Variants in ARFGEF1 observed in about 807,000 individuals in gnomAD.
ARFGEF1 encodes the protein ARF guanine nucleotide exchange factor 1, also known as brefeldin A-inhibited guanine nucleotide-exchange protein 1.
Under a neutral mutation model 231.0 loss-of-function variants are expected in ARFGEF1, and 42 were observed. That is an observed-to-expected ratio of 0.18 (90% CI 0.14 to 0.24). The LOEUF is 0.24. Ranked by LOEUF, ARFGEF1 falls within the 10% of genes least tolerant of loss-of-function variation. The pLI is 1.00. For synonymous variants in ARFGEF1, 710 were observed against 732.3 expected (o/e 0.97, Z 0.49); for missense variants, 1,345 against 2,192.0 (o/e 0.61, Z 7.72).
chr8:67,244,429 T>A (rs1201556764), intron 19 of ARFGEF1, among the ~76,000 whole-genome samples: 1 of 143,280 alleles, frequency 7.0e-6, no homozygotes, highest in South Asian at 2.2e-4. Context: ...CCACCTCAGC[T>A]TTCCTAGTAG....
chr8:67,315,736 G>A (rs1231779077), intron 1 of ARFGEF1, among the ~76,000 whole-genome samples: 2 of 152,082 alleles, frequency 1.3e-5, no homozygotes, highest in African/African-American at 2.4e-5. Context: ...TAATCCATGG[G>A]TCAGAGGAAG....
chr8:67,256,332 G>A (rs1840452763), intron 17 of ARFGEF1, among the ~76,000 whole-genome samples: 1 of 151,944 alleles, frequency 6.6e-6, no homozygotes, highest in Admixed American at 6.6e-5. Context: ...GTAAATTTGT[G>A]GTAAATGCAT....
chr8:67,214,281 G>A (rs1010293922), intron 33 of ARFGEF1, among the ~76,000 whole-genome samples: 1 of 152,222 alleles, frequency 6.6e-6, no homozygotes, highest in Non-Finnish European at 1.5e-5. Flanking sequence ...ATACTGATAG[G>A]TGATCCTTGT....
chr8:67,257,960 G>C lies in ARFGEF1; in HGVS notation c.2441+125C>G, dbSNP rs944000909. 3.4e-6 allele frequency: 4 copies of C among 1,185,016 alleles called. No individual in the cohort carries two copies. The African/African-American group carries it at 6.2e-5, about 18-fold the overall frequency. 73.4% of individuals were successfully genotyped at this position (1,185,016 alleles called of 1,614,324 possible). On this transcript the variant is annotated intron_variant, in intron 16 of 38. Coordinates refer to ENST00000262215, the MANE Select transcript of ARFGEF1 (RefSeq NM_006421.5). ...TTATGGATTTGTTTTACGACTTCCA[G>C]ATTGTAGACAATCTAAATTCTCTAA...
intron 14 of ARFGEF1, 150 bp downstream of exon 14, chr8:67,265,856 C>T: frequency 1.4e-6 from 1 of 691,124 alleles, no homozygotes; most frequent in South Asian, 1.9e-5. Context: ...CTGCAATGAA[C>T]AAGGGGGGCT....
intron 5 of ARFGEF1, among the ~76,000 whole-genome samples, chr8:67,186,493 A>C (rs577540056): frequency 6.6e-6 from 1 of 151,964 alleles, no homozygotes; most frequent in East Asian, 1.9e-4. Flanking sequence ...AAAGTCTACC[A>C]CCCATTTATG....
At chr8:67,204,961 A>G in intron 34 of ARFGEF1, 142 bp from the exon 35 acceptor site, 1 of 966,528 alleles carries the variant, frequency 1.0e-6, no homozygotes, top group Non-Finnish European at 1.5e-6. Context: ...TTTTGCACAC[A>G]GGCACTACTC....
intron 14 of ARFGEF1, among the ~76,000 whole-genome samples, chr8:67,260,576 G>A (rs1321923366): frequency 6.6e-6 from 1 of 152,160 alleles, no homozygotes; most frequent in Non-Finnish European, 1.5e-5. Flanking sequence ...ACTTGTGTGT[G>A]TTCTGACTGC....
intron 1 of ARFGEF1, among the ~76,000 whole-genome samples, chr8:67,339,397 CATAG>C (rs1278893290): frequency 2.0e-5 from 3 of 152,150 alleles, no homozygotes; most frequent in Middle Eastern, 3.4e-3. Flanking sequence ...AGAGTATCTT[CATAG>C]ATACTCTTCA....
At chr8:67,193,417 C>T, downstream of ARFGEF1, 2 of 1,563,516 alleles carry the variant, frequency 1.3e-6, no homozygotes, top group Non-Finnish European at 1.8e-6. Flanking sequence ...GATTTGTGAA[C>T]ATATTTTGTG....
intron 5 of ARFGEF1, among the ~76,000 whole-genome samples, chr8:67,293,814 G>A (rs1020059713): frequency 6.6e-6 from 1 of 152,102 alleles, no homozygotes; most frequent in African/African-American, 2.4e-5. Flanking sequence ...ACATTCAAGG[G>A]GTGGAAAGAA....
At chr8:67,207,815 A>G (rs1328468297) in intron 34 of ARFGEF1, among the ~76,000 whole-genome samples, 2 of 152,210 alleles carry the variant, frequency 1.3e-5, no homozygotes, top group African/African-American at 4.8e-5. Context: ...CTCCAGCTCT[A>G]CCTGTTCTGA....
intron 9 of ARFGEF1, among the ~76,000 whole-genome samples, chr8:67,273,898 T>C (rs1479722828): frequency 1.3e-5 from 2 of 152,148 alleles, no homozygotes; most frequent in Non-Finnish European, 2.9e-5. Context: ...TATCACCTAT[T>C]ATGCTCAATT....
chr8:67,301,235 C>G lies in ARFGEF1; in HGVS notation c.301G>C (p.Asp101His). ...KCPRIVSTSL[D>H]CLQKLIAYGH... is the part of the protein sequence containing the mutation. Reference sequence around the variant, plus strand: ...CATTTTAGACATACCTGTAAGCAATCTAGAGATGTACTAACTATGCGAGGA... The same window carrying G: ...CATTTTAGACATACCTGTAAGCAATGTAGAGATGTACTAACTATGCGAGGA... Residue 101 changes from aspartate to histidine, a missense_variant, in exon 3 of 39, where the codon GAT (aspartate) becomes CAT (histidine). Physicochemically the swap from Asp to His is moderately conservative, Grantham distance 81. This residue lies in a region of ARFGEF1 where 398 missense variants were observed against 463.2 expected (regional missense o/e 0.86). Transcript: ENST00000262215. The G allele has an allele frequency of 6.2e-7, 1 of 1,610,398 alleles. No individual in the cohort carries two copies. Among genetic ancestry groups the G allele is most frequent in the Non-Finnish European group, 8.5e-7 (1 of 1,178,888 alleles).
chr8:67,301,507 T>C lies in ARFGEF1; in HGVS notation c.156-127A>G, dbSNP rs546101330. 1.3e-5 allele frequency: 13 copies of C among 1,034,462 alleles called. No individual in the cohort carries two copies. In the African/African-American group the frequency reaches 1.3e-4, roughly 10 times the overall value. 64.1% of individuals were successfully genotyped at this position (1,034,462 alleles called of 1,614,324 possible). A position where few individuals can be genotyped will look rare whatever the true frequency, so the allele number is the denominator to read the frequency against. On this transcript the variant is annotated intron_variant, in intron 2 of 38. Transcript: ENST00000262215. ...TAAACCAGTCCTCTATCTTCCCATA[T>C]TTCGAGAGGAAACCCAAGCCCAGAG...
intron 1 of ARFGEF1, among the ~76,000 whole-genome samples, chr8:67,321,626 A>AT (rs890242156): frequency 3.3e-4 from 49 of 149,586 alleles, no homozygotes; most frequent in South Asian, 2.6e-3. Flanking sequence ...ACGCCCGGCT[A>AT]TTTTTTTTTA....
intron 1 of ARFGEF1, among the ~76,000 whole-genome samples, chr8:67,326,627 A>T (rs1807846659): frequency 6.6e-6 from 1 of 152,232 alleles, no homozygotes; most frequent in Non-Finnish European, 1.5e-5. Context: ...AATACTTAAG[A>T]TTACCAAAGA....
chr8:67,207,723 C>T (rs192928164), intron 34 of ARFGEF1, among the ~76,000 whole-genome samples: 58 of 152,308 alleles, frequency 3.8e-4, no homozygotes, highest in African/African-American at 1.3e-3. Context: ...TCAGATGCAG[C>T]GGCCTCCCCA....
chr8:67,337,110 C>CA (rs1439096018), intron 1 of ARFGEF1, among the ~76,000 whole-genome samples: 2 of 115,180 alleles, frequency 1.7e-5, no homozygotes, highest in African/African-American at 6.9e-5. Flanking sequence ...GCCTGTGTGA[C>CA]AGAGCGTGAC....
Sources: allele counts gnomAD v4.1 joint callset (sites outside exome capture counted in the v4.1 genomes callset), GRCh38; gene constraint gnomAD v4.1.1; regional missense constraint gnomAD v4.1.1; transcripts MANE v1.5; gene names NCBI Gene and HGNC (gene_info 2026-07-23, HGNC 2026-07-21).